The following LNX1 variants were observed in gnomAD, a reference collection of about 807,000 sequenced individuals.
The protein encoded by LNX1 is ligand of numb-protein X 1, also known as E3 ubiquitin-protein ligase LNX.
A neutral mutation model predicts 68.4 loss-of-function variants in LNX1; 54 were observed. The ratio of observed to expected loss-of-function variants is 0.79; its 90% CI spans 0.63 to 0.99. LNX1 has a LOEUF of 0.99. Ranked by LOEUF, LNX1 falls within the 50% of genes least tolerant of loss-of-function variation. LNX1 has a pLI of 0.00. For missense variants in LNX1, 906 were observed against 926.4 expected (o/e 0.98, Z 0.29); for synonymous variants, 336 against 350.0 (o/e 0.96, Z 0.45).
intron 2 of LNX1, among the ~76,000 whole-genome samples, chr4:53,543,326 G>A (rs1426540335): frequency 3.3e-5 from 5 of 152,152 alleles, no homozygotes; most frequent in Admixed American, 2.6e-4. Flanking sequence ...TGTACTACAT[G>A]TGTGCTTATT....
chr4:53,468,980 C>A (rs867377070), intron 9 of LNX1, among the ~76,000 whole-genome samples: 3 of 152,270 alleles, frequency 2.0e-5, no homozygotes, highest in African/African-American at 7.2e-5. Flanking sequence ...CAGCTCTGCA[C>A]CAAGCAGACC....
intron 9 of LNX1, among the ~76,000 whole-genome samples, chr4:53,471,734 A>C (rs961159579): frequency 3.3e-5 from 5 of 152,368 alleles, no homozygotes; most frequent in African/African-American, 1.2e-4. Context: ...ACACATGAAA[A>C]AATGCTCATC....
intron 9 of LNX1, among the ~76,000 whole-genome samples, chr4:53,463,869 A>C (rs568760152): frequency 1.2e-4 from 18 of 152,172 alleles, no homozygotes; most frequent in African/African-American, 4.1e-4. Flanking sequence ...TAGTCAATAC[A>C]TATTTGAGAA....
intron 2 of LNX1, among the ~76,000 whole-genome samples, chr4:53,569,276 C>CAGTAACCA (rs1730956397): frequency 6.7e-6 from 1 of 149,256 alleles, no homozygotes; most frequent in Admixed American, 6.7e-5. Flanking sequence ...TACAAGGCTA[C>CAGTAACCA]AGTAACCAAA....
intron 8 of LNX1, 87 bp downstream of exon 8, chr4:53,478,478 T>A (rs1303135821): frequency 8.2e-7 from 1 of 1,216,474 alleles, no homozygotes; most frequent in African/African-American, 1.5e-5. Flanking sequence ...ATTCTCTCAT[T>A]AATTTTGAAA....
chr4:53,491,217 C>G (rs186466474), intron 6 of LNX1, among the ~76,000 whole-genome samples: 2 of 150,136 alleles, frequency 1.3e-5, no homozygotes, highest in African/African-American at 4.9e-5. Context: ...AGGGAGTTAA[C>G]AAGTGTAACA....
At chr4:53,644,641 T>C (rs1436440248) in intron 1 of LNX1, among the ~76,000 whole-genome samples, 1 of 152,182 alleles carries the variant, frequency 6.6e-6, no homozygotes, top group Non-Finnish European at 1.5e-5. Flanking sequence ...GCTGTCCTAT[T>C]CCAGGAGGGA....
In LNX1 at chr4:53,575,602, C is replaced by T. The variant is rs970131213; in HGVS notation, c.-86-1514G>A. ...CAACTTTCATGGTGATTAAGAATCC[C>T]ACCTTGGGACCAGGCCCGCTTTTGG... On this transcript the variant is annotated intron_variant, in intron 1 of 10. Coordinates refer to ENST00000263925, the MANE Select transcript of LNX1 (RefSeq NM_001126328.3). 2.3e-6 allele frequency: 3 copies of T among 1,291,964 alleles called. No homozygotes were observed. The African/African-American group carries it at 4.5e-5, about 19-fold the overall frequency. The allele number at this position is 1,291,964 out of a possible 1,614,324, so 80.0% of individuals were successfully genotyped here.
intron 2 of LNX1, among the ~76,000 whole-genome samples, chr4:53,568,075 G>T (rs557183244): frequency 6.6e-6 from 1 of 152,066 alleles, no homozygotes; most frequent in African/African-American, 2.4e-5. Flanking sequence ...GTACAAGGAG[G>T]AACTGGTACC....
intron 2 of LNX1, among the ~76,000 whole-genome samples, chr4:53,615,389 A>G (rs199788423): frequency 6.6e-6 from 1 of 152,250 alleles, no homozygotes; most frequent in East Asian, 1.9e-4. Flanking sequence ...GAGCCTAGGT[A>G]TTCAAGAGGC....
At chr4:53,493,649 C>T (rs1223017656) in intron 6 of LNX1, among the ~76,000 whole-genome samples, 4 of 152,204 alleles carry the variant, frequency 2.6e-5, no homozygotes, top group East Asian at 1.9e-4. Context: ...TTTAGATAAC[C>T]AAGTCCTTGA....
chr4:53,479,473 T>C (rs763166059), intron 7 of LNX1, among the ~76,000 whole-genome samples: 32 of 152,244 alleles, frequency 2.1e-4, no homozygotes, highest in Non-Finnish European at 1.0e-4. Flanking sequence ...CATGTGTGCA[T>C]GTGTCCTGTC....
At chr4:53,515,013 C>A (rs898073326) in intron 2 of LNX1, among the ~76,000 whole-genome samples, 2 of 152,172 alleles carry the variant, frequency 1.3e-5, no homozygotes, top group Non-Finnish European at 2.9e-5. Flanking sequence ...AATCCAAATG[C>A]AGCAATATTT....
Position 53,461,045 on chromosome 4 carries a change from A to G in LNX1, c.2052-3T>C. On this transcript the variant is annotated splice_polypyrimidine_tract_variant and splice_region_variant and intron_variant, in intron 10 of 10. Transcript: ENST00000263925. ...CAGCAAGAAGAATATCACCACATCT[A>G]AAAAAAAAAACAAAACAAGATATGA... is the stretch of plus-strand genomic sequence containing the variant. 1 of 1,011,556 alleles carries G rather than the reference A, an allele frequency of 9.9e-7. No individual in the cohort carries two copies. Among genetic ancestry groups the G allele is most frequent in the Non-Finnish European group, 1.3e-6 (1 of 748,084 alleles). 62.7% of individuals were successfully genotyped at this position (1,011,556 alleles called of 1,614,324 possible).
chr4:53,489,192 G>A (rs1398432064), intron 6 of LNX1, among the ~76,000 whole-genome samples: 6 of 152,162 alleles, frequency 3.9e-5, no homozygotes, highest in Non-Finnish European at 8.8e-5. Flanking sequence ...AAAGCAATCA[G>A]TCTGGCCAAG....
intron 9 of LNX1, among the ~76,000 whole-genome samples, chr4:53,469,466 C>A (rs909036054): frequency 5.9e-5 from 9 of 152,094 alleles, no homozygotes; most frequent in Non-Finnish European, 1.2e-4. Flanking sequence ...CAAAAGCTAG[C>A]AGAAGGCAAG....
intron 1 of LNX1, among the ~76,000 whole-genome samples, chr4:53,642,869 C>T (rs968094978): frequency 3.9e-5 from 6 of 152,202 alleles, no homozygotes; most frequent in African/African-American, 1.4e-4. Flanking sequence ...AAGCTCCCAC[C>T]CTCTGAGGAC....
chr4:53,637,027 T>C (rs1734505277), intron 1 of LNX1, among the ~76,000 whole-genome samples: 1 of 147,962 alleles, frequency 6.8e-6, no homozygotes, highest in South Asian at 2.3e-4. Context: ...GTTATATTAA[T>C]AGTTTAGGAC....
In LNX1 at chr4:53,476,934, G is replaced by A. The variant is rs1723603504; in HGVS notation, c.1711C>T (p.Arg571Trp). The change falls in exon 9 of 11, where the codon CGG becomes TGG. Residue 571 changes from arginine to tryptophan, a missense_variant. By Grantham distance (101) the Arg-to-Trp change is moderately radical. Transcript: ENST00000263925. ...TTCAATAATGCCACTGCCTCACTCC[G>A]GCTGACCTCTGTCAGTTCGACCCCA... ...VDGVELTEVS[R>W]SEAVALLKRT... The A allele has an allele frequency of 3.1e-6, 5 of 1,614,162 alleles. No individual in the cohort carries two copies. Among genetic ancestry groups the A allele is most frequent in the Non-Finnish European group, 2.5e-6 (3 of 1,180,026 alleles).
Sources: allele counts gnomAD v4.1 joint callset (sites outside exome capture counted in the v4.1 genomes callset), GRCh38; gene constraint gnomAD v4.1.1; transcripts MANE v1.5; gene names NCBI Gene and HGNC (gene_info 2026-07-23, HGNC 2026-07-21).